The following BANP variants were observed in gnomAD, a reference collection of about 807,000 sequenced individuals.
BANP encodes protein BANP.
BANP carries 11 observed loss-of-function variants against 68.1 expected under a neutral mutation model. The observed-to-expected ratio is 0.16, with a 90% confidence interval of 0.10 to 0.27. The LOEUF (loss-of-function observed/expected upper bound fraction) is 0.27. Among genes scored for constraint, BANP ranks in the 10% least tolerant of loss-of-function variants. BANP has a pLI of 1.00. For synonymous variants in BANP, 329 were observed against 303.2 expected, an observed-to-expected ratio of 1.09 and a Z score of -0.88; for missense variants, 504 against 722.7, an observed-to-expected ratio of 0.70 and a Z score of 3.47.
At chr16:88,050,042 T>G (rs1315499570) in intron 11 of BANP, among the ~76,000 whole-genome samples, 3 of 152,212 alleles carry the variant, frequency 2.0e-5, no homozygotes, top group East Asian at 3.9e-4. Context: ...CTGGTGAGCT[T>G]CTCAGTCACG....
intron 11 of BANP, among the ~76,000 whole-genome samples, chr16:88,041,719 C>T (rs956133021): frequency 2.6e-5 from 4 of 152,192 alleles, no homozygotes; most frequent in African/African-American, 7.2e-5. Flanking sequence ...TCGTGGTGCG[C>T]GCTTACATCT....
At position 88,071,652 on chromosome 16, in the gene BANP, T is replaced by C. The variant is rs1193866992; in HGVS notation, c.1378-417T>C. ...GAGGGTTTGGGTCTCAGCCTCACGC[T>C]CACGGTCCTGGCTTGGATTTTAGGC... On this transcript the variant is annotated intron_variant, in intron 12 of 13. Transcript: ENST00000682872. This position sits in a 1 kb window ranked among gnomAD's most constrained non-coding sequence, Gnocchi z 6.5. 2.6e-5 allele frequency: 12 copies of C among 468,126 alleles called. No homozygotes were observed. Among genetic ancestry groups the C allele is most frequent in the Admixed American group, 2.3e-4 (10 of 42,828 alleles). 29.0% of individuals were successfully genotyped at this position (468,126 alleles called of 1,614,324 possible).
chr16:87,974,187 T>A (rs934828773), intron 1 of BANP, among the ~76,000 whole-genome samples: 1 of 152,266 alleles, frequency 6.6e-6, no homozygotes, highest in Non-Finnish European at 1.5e-5. Context: ...CATTCATTCC[T>A]CATTTCTACG....
rs1212240849 is a variant in BANP at position 88,018,301 on chromosome 16, T to C, written c.656-127T>C. ...CGCTCTTGGTGACTGCCTCACAAGT[T>C]ACGAGGGATTTGCCCAGCCCTGCGT... is the stretch of plus-strand genomic sequence containing the variant. On this transcript the variant is annotated intron_variant, in intron 6 of 13. Coordinates refer to ENST00000682872, the MANE Select transcript of BANP (RefSeq NM_001386991.1). This position sits in a 1 kb window ranked among gnomAD's most constrained non-coding sequence, Gnocchi z 7.7. 3 of 1,227,860 alleles carry C rather than the reference T, an allele frequency of 2.4e-6. No individual in the cohort carries two copies. Among genetic ancestry groups the C allele is most frequent in the Admixed American group, 4.4e-5 (2 of 45,202 alleles). 76.1% of individuals were successfully genotyped at this position (1,227,860 alleles called of 1,614,324 possible).
At chr16:87,970,615 A>C (rs925374254) in intron 1 of BANP, among the ~76,000 whole-genome samples, 1 of 152,250 alleles carries the variant, frequency 6.6e-6, no homozygotes, top group South Asian at 2.1e-4. Context: ...GAATTTAAAA[A>C]TATTTCCCTT....
intron 4 of BANP, among the ~76,000 whole-genome samples, chr16:88,001,664 T>C (rs2152546706): frequency 6.6e-6 from 1 of 152,340 alleles, no homozygotes; most frequent in Non-Finnish European, 1.5e-5. Context: ...AAAACAAAAC[T>C]GGTTTATTTA....
At chr16:87,958,686 G>C (rs1341658079) in intron 1 of BANP, among the ~76,000 whole-genome samples, 1 of 152,252 alleles carries the variant, frequency 6.6e-6, no homozygotes, top group Non-Finnish European at 1.5e-5. Flanking sequence ...CTGGGCGGCA[G>C]AGTGAGACCC....
At chr16:88,031,048 G>C (rs556315998) in intron 8 of BANP, among the ~76,000 whole-genome samples, 1 of 152,382 alleles carries the variant, frequency 6.6e-6, no homozygotes, top group African/African-American at 2.4e-5. Flanking sequence ...GCCCAGCTGG[G>C]ATTTTGTCAT....
intron 13 of BANP, among the ~76,000 whole-genome samples, chr16:88,075,746 CTTT>C (rs34974822): frequency 1.7e-5 from 2 of 120,916 alleles, no homozygotes; most frequent in Admixed American, 9.1e-5. Flanking sequence ...TTTTCCTTTA[CTTT>C]TTTTTTTTTT....
At chr16:87,981,711 A>C (rs991810636) in intron 3 of BANP, among the ~76,000 whole-genome samples, 17 of 152,214 alleles carry the variant, frequency 1.1e-4, no homozygotes, top group African/African-American at 4.1e-4. Flanking sequence ...TGAAGGAGGC[A>C]TCTTCCCACA....
intron 10 of BANP, among the ~76,000 whole-genome samples, chr16:88,035,765 G>A (rs1475672625): frequency 6.6e-6 from 1 of 152,214 alleles, no homozygotes; most frequent in East Asian, 1.9e-4. Context: ...TAGGTGACCT[G>A]ACATACCCCC....
chr16:88,038,078 G>A, intron 11 of BANP, 67 bp downstream of exon 11: 1 of 1,514,764 alleles, frequency 6.6e-7, no homozygotes, highest in Non-Finnish European at 9.2e-7. Context: ...CTCAGGGGAG[G>A]GGGTGGGACG....
chr16:87,978,614 C>T, intron 2 of BANP: 1 of 470,198 alleles, frequency 2.1e-6, no homozygotes, highest in Non-Finnish European at 4.4e-6. Context: ...TGTGAGGAGT[C>T]ATGAGGCCGA....
At chr16:88,073,402 G>A (rs2090862556) in intron 13 of BANP, among the ~76,000 whole-genome samples, 1 of 151,842 alleles carries the variant, frequency 6.6e-6, no homozygotes, top group African/African-American at 2.4e-5. Context: ...GCAGAGGCAC[G>A]CCCTGTACTC....
rs543426955 is a variant in BANP at position 88,036,976 on chromosome 16, C to T, written c.1273-997C>T. Among the ~76,000 whole-genome samples the T allele has an allele frequency of 6.6e-5, 10 of 152,228 alleles. No individual in the cohort carries two copies. The highest frequency in any genetic ancestry group is 2.0e-4 in the Admixed American group (3 of 15,294). ...GCAGCACCTTCCAGTGCAGGAGCTG[C>T]CTTTGAGGGGCAGGGGAAGGTTTGC... On this transcript the variant is annotated intron_variant, in intron 10 of 13. Transcript: ENST00000682872. The surrounding 1 kb of genome is among the most constrained non-coding windows in gnomAD (Gnocchi z 4.2).
rs1034738155 is a variant in BANP at position 88,004,038 on chromosome 16, T to G, written c.363-257T>G. ...CCAGCTGTCCTGTGCTATCCAGTTG[T>G]GCAGACAGATCACCAACAATTAGGA... On this transcript the variant is annotated intron_variant, in intron 4 of 13. Coordinates refer to ENST00000682872, the MANE Select transcript of BANP (RefSeq NM_001386991.1). The surrounding 1 kb of genome is among the most constrained non-coding windows in gnomAD (Gnocchi z 7.0). The G allele has an allele frequency of 2.3e-6, 1 of 436,288 alleles. No individual in the cohort carries two copies. Among genetic ancestry groups the G allele is most frequent in the Non-Finnish European group, 4.3e-6 (1 of 234,822 alleles). The allele number at this position is 436,288 out of a possible 1,614,324, so 27.0% of individuals were successfully genotyped here. A position where few individuals can be genotyped will look rare whatever the true frequency, so the allele number is the denominator to read the frequency against.
intron 8 of BANP, among the ~76,000 whole-genome samples, chr16:88,031,057 A>T (rs2152732800): frequency 6.6e-6 from 1 of 152,234 alleles, no homozygotes; most frequent in South Asian, 2.1e-4. Context: ...GGATTTTGTC[A>T]TTTTCTTCCT....
chr16:88,075,546 C>G (rs552737413), intron 13 of BANP, among the ~76,000 whole-genome samples: 95 of 152,048 alleles, frequency 6.2e-4, no homozygotes, highest in Non-Finnish European at 4.1e-4. Flanking sequence ...GTAGAAGTTG[C>G]CAGGCCTCTT....
intron 1 of BANP, among the ~76,000 whole-genome samples, chr16:87,968,605 G>A (rs772976721): frequency 6.6e-6 from 1 of 152,002 alleles, no homozygotes; most frequent in Non-Finnish European, 1.5e-5. Flanking sequence ...GACTACTGAC[G>A]ACTCTGAGCT....
Sources: gnomAD v4.1 joint callset for allele counts (sites outside exome capture counted in the v4.1 genomes callset) on GRCh38, gnomAD v4.1.1 for gene constraint, Gnocchi (gnomAD v3.1) non-coding constraint, MANE v1.5 for transcripts, NCBI Gene and HGNC (gene_info 2026-07-23, HGNC 2026-07-21) for gene names.